Variants in GALNT10 observed in about 807,000 individuals in gnomAD.
GALNT10 encodes the protein polypeptide N-acetylgalactosaminyltransferase 10, also known as GalNAc transferase 10.
A neutral mutation model predicts 75.0 loss-of-function variants in GALNT10; 41 were observed. The ratio of observed to expected loss-of-function variants is 0.55; its 90% CI spans 0.43 to 0.71. The LOEUF (loss-of-function observed/expected upper bound fraction) is 0.71. Among genes scored for constraint, GALNT10 ranks in the 30% least tolerant of loss-of-function variants. The pLI is 0.00. For synonymous variants in GALNT10, 302 were observed against 313.0 expected, an observed-to-expected ratio of 0.96 and a Z score of 0.37; for missense variants, 727 against 818.5, an observed-to-expected ratio of 0.89 and a Z score of 1.36.
intron 9 of GALNT10, among the ~76,000 whole-genome samples, chr5:154,411,951 G>A (rs1756405628): frequency 6.6e-6 from 1 of 152,178 alleles, no homozygotes; most frequent in Admixed American, 6.5e-5. Flanking sequence ...CTGCAGTAAA[G>A]CTGTAAGGAA....
At chr5:154,191,113 T>C in intron 1 of GALNT10, 88 bp downstream of exon 1, 1 of 909,622 alleles carries the variant, frequency 1.1e-6, no homozygotes, top group Non-Finnish European at 1.5e-6. Context: ...TTCTGCTGTC[T>C]GCCTCCTCAG....
chr5:154,244,652 G>A (rs569077111), intron 1 of GALNT10, among the ~76,000 whole-genome samples: 16 of 152,270 alleles, frequency 1.1e-4, no homozygotes, highest in African/African-American at 3.4e-4. Flanking sequence ...CAGACAGCAA[G>A]GGTGGCAGAT....
chr5:154,204,438 G>A (rs1775074900), intron 1 of GALNT10, among the ~76,000 whole-genome samples: 1 of 152,158 alleles, frequency 6.6e-6, no homozygotes, highest in Non-Finnish European at 1.5e-5. Flanking sequence ...ATTTGCAAGG[G>A]TAAATCAGAG....
chr5:154,414,942 G>A (rs1156793620), intron 10 of GALNT10, among the ~76,000 whole-genome samples: 1 of 152,088 alleles, frequency 6.6e-6, no homozygotes, highest in Non-Finnish European at 1.5e-5. Context: ...TGACCAACGT[G>A]GTGAAACCCC....
At chr5:154,273,394 G>T (rs1415042037) in intron 1 of GALNT10, among the ~76,000 whole-genome samples, 2 of 152,192 alleles carry the variant, frequency 1.3e-5, no homozygotes, top group East Asian at 3.9e-4. Context: ...TTCAGGGAGT[G>T]AGGCCAGCAG....
In GALNT10 at chr5:154,278,201, C is replaced by A. The variant is rs772589445; in HGVS notation, c.160-16615C>A. On this transcript the variant is annotated intron_variant, in intron 1 of 11. Transcript: ENST00000297107. ...TTCATGTCTGTGAGCTTTTTTAAAA[C>A]AAAACAAAACTGGATTGCACACTGC... Among the ~76,000 whole-genome samples the A allele has an allele frequency of 9.1e-4, 138 of 152,172 alleles. 1 individual carries two copies. Among genetic ancestry groups the A allele is most frequent in the Non-Finnish European group, 1.6e-3 (107 of 67,992 alleles).
In GALNT10 at chr5:154,386,347, G is replaced by C. The variant is rs771993302; in HGVS notation, c.973G>C (p.Asp325His). 14 of 1,614,104 alleles carry C rather than the reference G, an allele frequency of 8.7e-6. No homozygotes were observed. The South Asian group carries it at 1.4e-4, about 16-fold the overall frequency. Residue 325 changes from aspartate (D) to histidine (H), a missense_variant, in exon 7 of 12, where the codon GAT (aspartate) becomes CAT (histidine). Physicochemically the swap from Asp to His is moderately conservative, Grantham distance 81. Coordinates refer to ENST00000297107, the MANE Select transcript of GALNT10 (RefSeq NM_198321.4). ...GATGGCCGGTGGACTGTTCGCCGTG[G>C]ATCGGAAGTGGTTCTGGGAACTCGG... is the stretch of plus-strand genomic sequence containing the variant. ...PVMAGGLFAV[D>H]RKWFWELGGY...
intron 1 of GALNT10, among the ~76,000 whole-genome samples, chr5:154,255,265 G>A (rs2034579): frequency 0.65 from 98,833 of 151,720 alleles, 32,566 homozygotes; most frequent in East Asian, 0.86. Context: ...ACTCATCAAG[G>A]TATATCCCTC....
intron 7 of GALNT10, chr5:154,387,342 A>G (rs564255223): frequency 6.6e-6 from 1 of 152,346 alleles, no homozygotes; most frequent in African/African-American, 2.4e-5. Flanking sequence ...AGCTTGTCCC[A>G]TGCCCTTGTG....
At chr5:154,233,152 G>C (rs1753192689) in intron 1 of GALNT10, among the ~76,000 whole-genome samples, 1 of 152,092 alleles carries the variant, frequency 6.6e-6, no homozygotes. Flanking sequence ...AAAATGGTTG[G>C]GATGCTTAAA....
At chr5:154,290,072 A>G (rs672748) in intron 1 of GALNT10, among the ~76,000 whole-genome samples, 129,482 of 150,832 alleles carry the variant, frequency 0.86, 55,842 homozygotes, top group African/African-American at 0.94. Context: ...AGGGCCCTTC[A>G]GGCTCCATGT....
intron 4 of GALNT10, among the ~76,000 whole-genome samples, chr5:154,343,747 T>C (rs1210067548): frequency 1.3e-5 from 2 of 152,182 alleles, no homozygotes; most frequent in African/African-American, 4.8e-5. Context: ...GGGTACCTGG[T>C]TAAAAAGCCC....
intron 4 of GALNT10, chr5:154,338,017 T>G: frequency 6.5e-7 from 1 of 1,533,702 alleles, no homozygotes; most frequent in Non-Finnish European, 8.9e-7. Context: ...CCTCGATCAG[T>G]CATGATTGCA....
intron 1 of GALNT10, among the ~76,000 whole-genome samples, chr5:154,289,922 TA>T (rs956525223): frequency 3.4e-4 from 52 of 152,314 alleles, no homozygotes; most frequent in Middle Eastern, 3.4e-3. Context: ...TAGGTGTCAG[TA>T]AACATTTGGT....
At chr5:154,193,323 A>G (rs1229653880) in intron 1 of GALNT10, among the ~76,000 whole-genome samples, 1 of 152,200 alleles carries the variant, frequency 6.6e-6, no homozygotes, top group African/African-American at 2.4e-5. Flanking sequence ...ATTTCCACAC[A>G]GCCCCTTTTT....
At position 154,380,600 on chromosome 5, in the gene GALNT10, C is replaced by CCTG; in HGVS notation, c.907_908insCTG (p.Leu303delinsProVal). The CCTG allele has an allele frequency of 6.2e-7, 1 of 1,613,584 alleles. No homozygotes were observed. The highest frequency in any genetic ancestry group is 8.5e-7 in the Non-Finnish European group (1 of 1,179,578). ...CAAGCGGATCCCGATCCCTCCAGAA[C>CCTG]TGCAGAAAGCTGACCCCAGCGACCC... is the stretch of plus-strand genomic sequence containing the variant. On this transcript the variant is annotated protein_altering_variant, in exon 6 of 12. Transcript: ENST00000297107.
At chr5:154,204,772 A>G (rs1257594362) in intron 1 of GALNT10, among the ~76,000 whole-genome samples, 6 of 151,760 alleles carry the variant, frequency 4.0e-5, no homozygotes, top group African/African-American at 1.5e-4. Context: ...TTTCCTACCC[A>G]CTCTGCGACT....
In GALNT10 at chr5:154,206,430, G is replaced by T. The variant is rs147935924; in HGVS notation, c.159+15405G>T. Among the ~76,000 whole-genome samples, 364 of 152,282 alleles carry T rather than the reference G, an allele frequency of 2.4e-3. 2 individuals carry two copies. The highest frequency in any genetic ancestry group is 6.8e-3 in the Middle Eastern group (2 of 294). On this transcript the variant is annotated intron_variant, in intron 1 of 11. Transcript: ENST00000297107. ...ATACAAAAAACAGCCGCTGCCTTGA[G>T]AGAGCTCCTAGTCTAAAAAGGGACG...
At chr5:154,197,073 C>T (rs1425174975) in intron 1 of GALNT10, among the ~76,000 whole-genome samples, 1 of 152,140 alleles carries the variant, frequency 6.6e-6, no homozygotes, top group Non-Finnish European at 1.5e-5. Flanking sequence ...CTCATTCCAG[C>T]ACTGCCACCC....
Sources: gnomAD v4.1 joint callset for allele counts (sites outside exome capture counted in the v4.1 genomes callset) on GRCh38, gnomAD v4.1.1 for gene constraint, MANE v1.5 for transcripts, NCBI Gene and HGNC (gene_info 2026-07-23, HGNC 2026-07-21) for gene names.